The following RAPGEF6 variants were observed in gnomAD, a reference collection of about 807,000 sequenced individuals.
RAPGEF6 encodes Rap guanine nucleotide exchange factor 6.
A neutral mutation model predicts 171.4 loss-of-function variants in RAPGEF6; 56 were observed. The ratio of observed to expected loss-of-function variants is 0.33; its 90% confidence interval spans 0.26 to 0.41. The LOEUF is 0.41. RAPGEF6 is among the 10% of genes least tolerant of loss of function. The probability of loss-of-function intolerance (pLI) is 1.00; values close to 1 mark genes in which losing one functional copy is unlikely to be tolerated. For missense variants in RAPGEF6, 1,674 were observed against 1,921.4 expected (o/e 0.87, Z 2.41); for synonymous variants, 692 against 650.1 (o/e 1.06, Z -0.98).
At chr5:131,446,117 A>G (rs927025477) in intron 22 of RAPGEF6, among the ~76,000 whole-genome samples, 2 of 152,080 alleles carry the variant, frequency 1.3e-5, no homozygotes, top group South Asian at 4.1e-4. Flanking sequence ...CAAATTTCTT[A>G]TATTTTCTAG....
chr5:131,606,364 GA>G (rs11357225), intron 1 of RAPGEF6, among the ~76,000 whole-genome samples: 85,822 of 113,110 alleles, frequency 0.76, 31,181 homozygotes, highest in Middle Eastern at 0.79. Flanking sequence ...CATCTCAAGG[GA>G]AAAAAAAAAA....
In RAPGEF6 at chr5:131,602,932, CA is replaced by C. The variant is rs1371563631; in HGVS notation, c.197+338del. 3.9e-5 allele frequency among the ~76,000 whole-genome samples: 6 copies of C among 152,148 alleles called. No homozygotes were observed. The South Asian group carries it at 6.2e-4, about 16-fold the overall frequency. Reference sequence around the variant, plus strand: ...TATTTATTAAGTAAAAAAGCATCACCAAAAGATTCTCTCTATACCAAGTTCA... The same window carrying C: ...TATTTATTAAGTAAAAAAGCATCACCAAAGATTCTCTCTATACCAAGTTCA... On this transcript the variant is annotated intron_variant, in intron 3 of 27. Coordinates refer to ENST00000509018, the MANE Select transcript of RAPGEF6 (RefSeq NM_016340.6).
chr5:131,526,949 T>TG (rs1758908186), intron 6 of RAPGEF6, among the ~76,000 whole-genome samples: 1 of 150,920 alleles, frequency 6.6e-6, no homozygotes, highest in Non-Finnish European at 1.5e-5. Flanking sequence ...TAGAGGGGGG[T>TG]GGGGAAAGAG....
chr5:131,577,729 GA>G (rs1456605571), intron 4 of RAPGEF6, among the ~76,000 whole-genome samples: 1 of 152,148 alleles, frequency 6.6e-6, no homozygotes, highest in Non-Finnish European at 1.5e-5. Context: ...CACCATTCTG[GA>G]ATAAAGCTGT....
chr5:131,523,797 C>CAAAA (rs1322228158), intron 6 of RAPGEF6, among the ~76,000 whole-genome samples: 2 of 113,466 alleles, frequency 1.8e-5, no homozygotes, highest in Non-Finnish European at 3.9e-5. Flanking sequence ...GATAAAAAAA[C>CAAAA]AAACAAACAA....
chr5:131,505,417 G>C lies in RAPGEF6; in HGVS notation c.1048C>G (p.Leu350Val). 4.3e-6 allele frequency: 7 copies of C among 1,613,590 alleles called. No individual in the cohort carries two copies. Among genetic ancestry groups the C allele is most frequent in the Non-Finnish European group, 5.9e-6 (7 of 1,179,688 alleles). ...ATTCCATGCATGTACTGCTTATCCA[G>C]AGTGGGAGTAATTCCAAAACTATTT... ...MGNSFGITPT[L>V]DKQYMHGIVR... Residue 350 changes from leucine (L) to valine (V), a missense_variant, in exon 10 of 28, where the codon CTG (leucine) becomes GTG (valine). Coordinates refer to ENST00000509018, the MANE Select transcript of RAPGEF6 (RefSeq NM_016340.6).
At chr5:131,549,541 T>C (rs1367211602) in intron 5 of RAPGEF6, among the ~76,000 whole-genome samples, 2 of 152,176 alleles carry the variant, frequency 1.3e-5, no homozygotes, top group East Asian at 3.8e-4. Flanking sequence ...AATAATATAC[T>C]GCAATAAAAG....
chr5:131,517,855 A>C (rs1353994679), intron 7 of RAPGEF6, among the ~76,000 whole-genome samples: 1 of 151,466 alleles, frequency 6.6e-6, no homozygotes, highest in Non-Finnish European at 1.5e-5. Flanking sequence ...TTACCCATGG[A>C]TTAAAATTAT....
At chr5:131,523,402 A>AT (rs1349828028) in intron 6 of RAPGEF6, among the ~76,000 whole-genome samples, 1 of 149,878 alleles carries the variant, frequency 6.7e-6, no homozygotes, top group Non-Finnish European at 1.5e-5. Context: ...GTGATCTATC[A>AT]TATATATAGA....
intron 1 of RAPGEF6, among the ~76,000 whole-genome samples, chr5:131,606,989 C>T (rs1764639585): frequency 6.6e-6 from 1 of 152,188 alleles, no homozygotes; most frequent in Admixed American, 6.5e-5. Context: ...TAAAGAGAGT[C>T]ATGGCAAAAG....
intron 21 of RAPGEF6, among the ~76,000 whole-genome samples, chr5:131,451,863 A>G (rs1314958507): frequency 6.6e-6 from 1 of 152,186 alleles, no homozygotes; most frequent in Non-Finnish European, 1.5e-5. Context: ...CTGAAGCTAT[A>G]CACATAGGCC....
intron 19 of RAPGEF6, among the ~76,000 whole-genome samples, chr5:131,461,365 A>G (rs1262934706): frequency 6.6e-6 from 1 of 152,052 alleles, no homozygotes; most frequent in African/African-American, 2.4e-5. Flanking sequence ...TTAAAAAAGC[A>G]CAGTACAGAA....
chr5:131,535,815 TACTAA>T (rs1340159844), intron 6 of RAPGEF6, among the ~76,000 whole-genome samples: 1 of 152,164 alleles, frequency 6.6e-6, no homozygotes, highest in Non-Finnish European at 1.5e-5. Context: ...TTCTGATAGT[TACTAA>T]ACTAACTGTA....
chr5:131,437,603 T>A (rs1422660028), intron 24 of RAPGEF6, among the ~76,000 whole-genome samples: 1 of 152,192 alleles, frequency 6.6e-6, no homozygotes, highest in Non-Finnish European at 1.5e-5. Flanking sequence ...AGTGATGACA[T>A]AGGTCTGTGT....
intron 21 of RAPGEF6, among the ~76,000 whole-genome samples, chr5:131,450,799 T>C (rs1753013703): frequency 6.6e-6 from 1 of 152,218 alleles, no homozygotes; most frequent in Non-Finnish European, 1.5e-5. Flanking sequence ...TTCAGTCCAA[T>C]CTTTAAAAAA....
intron 7 of RAPGEF6, among the ~76,000 whole-genome samples, chr5:131,511,023 A>G (rs1245293566): frequency 6.6e-6 from 1 of 152,186 alleles, no homozygotes; most frequent in Non-Finnish European, 1.5e-5. Context: ...ACCCATCGTA[A>G]AGGACTGAAC....
intron 13 of RAPGEF6, 50 bp from the exon 14 acceptor site, chr5:131,492,835 G>T (rs779522668): frequency 6.6e-7 from 1 of 1,522,046 alleles, no homozygotes; most frequent in South Asian, 1.2e-5. Context: ...ATTCCTATAG[G>T]TTTTTAAAAA....
At chr5:131,551,333 G>A (rs181791377) in intron 5 of RAPGEF6, among the ~76,000 whole-genome samples, 85 of 152,004 alleles carry the variant, frequency 5.6e-4, no homozygotes, top group Middle Eastern at 3.4e-3. Context: ...CCAAGATGGC[G>A]AAACCCCATC....
intron 6 of RAPGEF6, among the ~76,000 whole-genome samples, chr5:131,539,890 T>C (rs771142509): frequency 6.6e-6 from 1 of 152,170 alleles, no homozygotes; most frequent in East Asian, 1.9e-4. Context: ...AAAAAGTAGA[T>C]TCTAGCGTGT....
Sources: allele counts gnomAD v4.1 joint callset (sites outside exome capture counted in the v4.1 genomes callset), GRCh38; gene constraint gnomAD v4.1.1; transcripts MANE v1.5; gene names NCBI Gene and HGNC (gene_info 2026-07-23, HGNC 2026-07-21).